STYK1: variants seen among roughly 807,000 people sequenced by gnomAD.
STYK1 encodes the protein STY kinase 1.
In STYK1, 46 loss-of-function variants were observed where a neutral mutation model predicts 48.1. That is an observed-to-expected ratio of 0.96 (90% confidence interval 0.75 to 1.22). The LOEUF is 1.22. STYK1 is among the 50% of genes most tolerant of loss of function. The pLI is 0.00. For missense variants in STYK1, 527 were observed against 521.1 expected (o/e 1.01, Z -0.11); for synonymous variants, 188 against 189.0 (o/e 0.99, Z 0.04).
At chr12:10,657,670 A>C (rs1164150256) in intron 1 of STYK1, among the ~76,000 whole-genome samples, 1 of 152,228 alleles carries the variant, frequency 6.6e-6, no homozygotes, top group Non-Finnish European at 1.5e-5. Context: ...GATTCTAGAT[A>C]AGTCCTGGGG....
chr12:10,659,831 T>C (rs1391678771), intron 1 of STYK1, among the ~76,000 whole-genome samples: 1 of 152,182 alleles, frequency 6.6e-6, no homozygotes, highest in Non-Finnish European at 1.5e-5. Flanking sequence ...ATCAGTTCTA[T>C]TATGATTTGT....
intron 1 of STYK1, among the ~76,000 whole-genome samples, chr12:10,645,811 G>A (rs1449954779): frequency 6.6e-6 from 1 of 152,174 alleles, no homozygotes. Context: ...GAGGGACTCA[G>A]TGGGAGGTAA....
intron 1 of STYK1, among the ~76,000 whole-genome samples, chr12:10,651,004 CAAAAA>C (rs11342378): frequency 8.4e-6 from 1 of 118,524 alleles, no homozygotes; most frequent in African/African-American, 3.2e-5. Flanking sequence ...GACTCCTTCT[CAAAAA>C]AAAAAAAAAA....
chr12:10,626,088 AAT>A (rs1173412532), intron 7 of STYK1, among the ~76,000 whole-genome samples: 1 of 152,242 alleles, frequency 6.6e-6, no homozygotes, highest in Non-Finnish European at 1.5e-5. Flanking sequence ...GATAATTTCC[AAT>A]CACTGATGAC....
chr12:10,667,294 A>T (rs1947843359), intron 1 of STYK1: 1 of 152,092 alleles, frequency 6.6e-6, no homozygotes, highest in Admixed American at 6.6e-5. Context: ...ACTACCTTCG[A>T]TTTGCTCTGA....
rs1239142788 is a variant in STYK1, at chr12:10,672,900, G to A, written c.-195+1066C>T. Among the ~76,000 whole-genome samples the A allele has an allele frequency of 2.6e-5, 4 of 152,142 alleles. No individual in the cohort carries two copies. The highest frequency in any genetic ancestry group is 4.4e-5 in the Non-Finnish European group (3 of 68,028). On this transcript the variant is annotated intron_variant, in intron 1 of 10. Transcript: ENST00000075503. This position sits in a 1 kb window ranked among gnomAD's most constrained non-coding sequence, Gnocchi z 4.0. ...CTAGCTAGCTGTCAGTGGAGATTCC[G>A]GTGCATTGAGGGGGAAAAACCAGGT...
intron 1 of STYK1, among the ~76,000 whole-genome samples, chr12:10,651,692 A>G (rs1947664004): frequency 6.6e-6 from 1 of 152,228 alleles, no homozygotes; most frequent in Admixed American, 6.5e-5. Flanking sequence ...CATTCTATGT[A>G]ACATCAATAT....
At chr12:10,626,714 A>G (rs1248058111) in intron 7 of STYK1, among the ~76,000 whole-genome samples, 2 of 152,174 alleles carry the variant, frequency 1.3e-5, no homozygotes, top group Non-Finnish European at 2.9e-5. Context: ...CTCGTTATTT[A>G]AGTTGTTTTA....
At chr12:10,637,899 G>A (rs942955106) in intron 1 of STYK1, among the ~76,000 whole-genome samples, 2 of 152,136 alleles carry the variant, frequency 1.3e-5, no homozygotes, top group South Asian at 2.1e-4. Flanking sequence ...ATGACTCTTC[G>A]ATGGGTTCAA....
At chr12:10,644,515 AT>A (rs1947578928) in intron 1 of STYK1, among the ~76,000 whole-genome samples, 1 of 152,214 alleles carries the variant, frequency 6.6e-6, no homozygotes, top group African/African-American at 2.4e-5. Context: ...ATCATTTCAA[AT>A]TGAAAAGTAA....
At chr12:10,665,510 C>T (rs1350978713) in intron 1 of STYK1, among the ~76,000 whole-genome samples, 1 of 152,182 alleles carries the variant, frequency 6.6e-6, no homozygotes, top group Non-Finnish European at 1.5e-5. Flanking sequence ...TCCCACTACA[C>T]TTTCCCACCC....
chr12:10,633,931 C>A, intron 4 of STYK1, 59 bp downstream of exon 4: 3 of 1,586,780 alleles, frequency 1.9e-6, no homozygotes, highest in Non-Finnish European at 2.6e-6. Context: ...TTAGACCATA[C>A]TTTTTCCTAA....
Position 10,619,634 on chromosome 12 carries a change from G to T in STYK1, c.*510C>A. 5.9e-6 allele frequency: 1 copy of T among 170,794 alleles called. No homozygotes were observed. The highest frequency in any genetic ancestry group is 1.2e-5 in the Non-Finnish European group (1 of 80,778). The allele number at this position is 170,794 out of a possible 1,614,324, so 10.6% of individuals were successfully genotyped here. ...GTTCTCCTCCAACCCCACATGTAGG[G>T]CTCAGGACTGAAGAACTTTGTGTCC... On this transcript the variant is annotated 3_prime_UTR_variant, in exon 11 of 11. Transcript: ENST00000075503.
chr12:10,645,279 T>C (rs1947586747), intron 1 of STYK1, among the ~76,000 whole-genome samples: 2 of 151,974 alleles, frequency 1.3e-5, no homozygotes, highest in Admixed American at 6.6e-5. Flanking sequence ...AATGAATAGG[T>C]GGTGAGGATG....
intron 7 of STYK1, among the ~76,000 whole-genome samples, chr12:10,626,020 G>A (rs554413048): frequency 6.6e-6 from 1 of 152,242 alleles, no homozygotes; most frequent in Middle Eastern, 3.4e-3. Context: ...TGAAGATCTA[G>A]ATATTGAGGG....
chr12:10,633,875 C>T (rs570720418), intron 4 of STYK1, 115 bp downstream of exon 4: 22 of 1,302,146 alleles, frequency 1.7e-5, no homozygotes, highest in Non-Finnish European at 2.1e-5. Context: ...ACCCATGCCT[C>T]TCTCATTGCA....
At chr12:10,630,980 A>G (rs1263602574) in intron 5 of STYK1, 65 bp downstream of exon 5, 7 of 1,576,866 alleles carry the variant, frequency 4.4e-6, no homozygotes, top group Admixed American at 3.4e-5. Flanking sequence ...TAACATCTCA[A>G]TGTTCGCAAA....
intron 7 of STYK1, among the ~76,000 whole-genome samples, chr12:10,627,043 G>A (rs111767908): frequency 7.2e-5 from 11 of 152,102 alleles, no homozygotes; most frequent in African/African-American, 2.7e-4. Context: ...TATTTAAGTT[G>A]TTTTAAAATA....
At chr12:10,642,621 A>G (rs1947557525) in intron 1 of STYK1, among the ~76,000 whole-genome samples, 1 of 152,248 alleles carries the variant, frequency 6.6e-6, no homozygotes, top group Non-Finnish European at 1.5e-5. Flanking sequence ...CTAAATATTT[A>G]TAATATTTGT....
Sources: gnomAD v4.1 joint callset for allele counts (sites outside exome capture counted in the v4.1 genomes callset) on GRCh38, gnomAD v4.1.1 for gene constraint, Gnocchi (gnomAD v3.1) non-coding constraint, MANE v1.5 for transcripts, NCBI Gene and HGNC (gene_info 2026-07-23, HGNC 2026-07-21) for gene names.